KLHL29: variants seen among roughly 807,000 people sequenced by gnomAD.
KLHL29 encodes the protein kelch-like protein 29.
Under a neutral mutation model 80.4 loss-of-function variants are expected in KLHL29, and 21 were observed. That is an observed-to-expected ratio of 0.26 (90% CI 0.19 to 0.38). The LOEUF (loss-of-function observed/expected upper bound fraction) is 0.38. KLHL29 is among the 10% of genes least tolerant of loss of function. The pLI is 1.00. For synonymous variants in KLHL29, 511 were observed against 526.8 expected, an observed-to-expected ratio of 0.97 and a Z score of 0.41; for missense variants, 867 against 1,223.9, an observed-to-expected ratio of 0.71 and a Z score of 4.35.
At chr2:23,573,697 C>A (rs1208987627) in intron 3 of KLHL29, among the ~76,000 whole-genome samples, 1 of 152,218 alleles carries the variant, frequency 6.6e-6, no homozygotes, top group Non-Finnish European at 1.5e-5. Flanking sequence ...TCATAAACAG[C>A]CAGCTGCAGT....
chr2:23,603,691 C>T (rs1476795884), intron 3 of KLHL29, among the ~76,000 whole-genome samples: 1 of 152,230 alleles, frequency 6.6e-6, no homozygotes, highest in Non-Finnish European at 1.5e-5. Flanking sequence ...GTCCACATCC[C>T]AGCCCTTCCC....
intron 5 of KLHL29, among the ~76,000 whole-genome samples, chr2:23,652,288 G>T (rs1670107933): frequency 6.6e-6 from 1 of 152,170 alleles, no homozygotes. Context: ...TTTTTCCATA[G>T]AACTTTCATG....
intron 2 of KLHL29, among the ~76,000 whole-genome samples, chr2:23,526,282 G>A (rs527435230): frequency 2.7e-5 from 3 of 112,336 alleles, no homozygotes; most frequent in Non-Finnish European, 4.3e-5. Context: ...CGGAGGAAGC[G>A]TCACAGGGGA....
intron 2 of KLHL29, among the ~76,000 whole-genome samples, chr2:23,542,720 C>T (rs1318716200): frequency 1.3e-5 from 2 of 152,070 alleles, no homozygotes; most frequent in Non-Finnish European, 2.9e-5. Flanking sequence ...TGCCTGAACC[C>T]TCAGAGAGCC....
chr2:23,536,496 G>A (rs181831391), intron 2 of KLHL29, among the ~76,000 whole-genome samples: 48 of 152,322 alleles, frequency 3.2e-4, no homozygotes, highest in African/African-American at 9.4e-4. Context: ...GACTCTCCCC[G>A]TTTTGCCTCA....
chr2:23,406,329 A>G (rs1160376597), intron 1 of KLHL29, among the ~76,000 whole-genome samples: 1 of 130,062 alleles, frequency 7.7e-6, no homozygotes, highest in East Asian at 2.4e-4. Flanking sequence ...CTCCATCTCA[A>G]AAAAAAAAAA....
At chr2:23,626,576 C>T (rs1669313714) in intron 3 of KLHL29, among the ~76,000 whole-genome samples, 1 of 152,262 alleles carries the variant, frequency 6.6e-6, no homozygotes, top group Non-Finnish European at 1.5e-5. Context: ...ATGATCCTGA[C>T]TCTCCCACTA....
chr2:23,643,333 A>G (rs935343885), intron 5 of KLHL29: 1 of 290,460 alleles, frequency 3.4e-6, no homozygotes, highest in Non-Finnish European at 6.9e-6. Context: ...GGATGAGAGC[A>G]CTGCCCAAGG....
chr2:23,615,070 T>C (rs1311815827), intron 3 of KLHL29, among the ~76,000 whole-genome samples: 2 of 152,212 alleles, frequency 1.3e-5, no homozygotes, highest in East Asian at 3.8e-4. Context: ...CTTTCACAGC[T>C]CGGCGCTTCT....
chr2:23,572,653 T>A lies in KLHL29; in HGVS notation c.285+10172T>A, dbSNP rs141250431. 5.0e-3 allele frequency among the ~76,000 whole-genome samples: 761 copies of A among 152,110 alleles called. 4 individuals carry two copies. Among genetic ancestry groups the A allele is most frequent in the African/African-American group, 0.017 (697 of 41,550 alleles). ...TCCTTTGACATCATCTCAACTTACC[T>A]ACTACCTGAGAGAAGATAGTGGAGC... On this transcript the variant is annotated intron_variant, in intron 3 of 13. Coordinates refer to ENST00000486442, the MANE Select transcript of KLHL29 (RefSeq NM_052920.2).
intron 2 of KLHL29, among the ~76,000 whole-genome samples, chr2:23,531,211 C>T (rs902588568): frequency 2.0e-5 from 3 of 152,230 alleles, no homozygotes; most frequent in Non-Finnish European, 2.9e-5. Context: ...GTCATTGCCA[C>T]GTGGTGGCCA....
chr2:23,674,940 C>T (rs1376781317), intron 5 of KLHL29, among the ~76,000 whole-genome samples: 2 of 152,194 alleles, frequency 1.3e-5, no homozygotes, highest in African/African-American at 4.8e-5. Context: ...CACCTTCAGG[C>T]TTCCAGTCCC....
At chr2:23,664,046 A>G (rs1007940679) in intron 5 of KLHL29, among the ~76,000 whole-genome samples, 1 of 152,228 alleles carries the variant, frequency 6.6e-6, no homozygotes, top group African/African-American at 2.4e-5. Context: ...TATAACATCA[A>G]TATGCGCTTA....
intron 1 of KLHL29, among the ~76,000 whole-genome samples, chr2:23,435,112 A>T (rs921414582): frequency 1.3e-5 from 2 of 152,190 alleles, no homozygotes; most frequent in African/African-American, 4.8e-5. Flanking sequence ...ATGTGAATTC[A>T]CTGGGGAAAG....
intron 1 of KLHL29, among the ~76,000 whole-genome samples, chr2:23,449,420 T>C (rs1663802878): frequency 6.6e-6 from 1 of 152,218 alleles, no homozygotes; most frequent in African/African-American, 2.4e-5. Context: ...GTCTATAGGT[T>C]GGCTGGTTCT....
intron 5 of KLHL29, among the ~76,000 whole-genome samples, chr2:23,676,526 C>G (rs946486579): frequency 6.6e-6 from 1 of 152,184 alleles, no homozygotes; most frequent in Non-Finnish European, 1.5e-5. Context: ...CATGGTGGCT[C>G]ACACCTGTAA....
At chr2:23,671,000 C>G (rs868327155) in intron 5 of KLHL29, among the ~76,000 whole-genome samples, 1 of 75,668 alleles carries the variant, frequency 1.3e-5, no homozygotes, top group African/African-American at 5.7e-5. Context: ...CTCCCTCCCT[C>G]CCCCCCCCCA....
chr2:23,614,508 CAAAAAT>C (rs1668951733), intron 3 of KLHL29, among the ~76,000 whole-genome samples: 1 of 152,092 alleles, frequency 6.6e-6, no homozygotes, highest in African/African-American at 2.4e-5. Context: ...AACAAACAGA[CAAAAAT>C]AATAATAATA....
In KLHL29 at chr2:23,706,573, C is replaced by A. The variant is rs1262503407; in HGVS notation, c.2537C>A (p.Thr846Lys). The A allele has an allele frequency of 5.2e-6, 8 of 1,537,128 alleles. No individual in the cohort carries two copies. The highest frequency in any genetic ancestry group is 2.0e-5 in the Admixed American group (1 of 50,962). The change falls in exon 14 of 14, where the codon ACA becomes AAA. Residue 846 changes from threonine (T) to lysine (K), a missense_variant. Around this residue, in one of 2 missense-constraint regions of KLHL29, gnomAD observed 443 missense variants for 767.0 expected, o/e 0.58. Transcript: ENST00000486442. ...GGCAACATGGAGGCCTACGAGCCCACAACCAACACATGGACCCTCCTCCCC... is the reference window on the plus strand; with the variant it reads ...GGCAACATGGAGGCCTACGAGCCCAAAACCAACACATGGACCCTCCTCCCC... Reference protein sequence around the residue: ...ALGNMEAYEPTTNTWTLLPHM... With the variant: ...ALGNMEAYEPKTNTWTLLPHM...
Sources: allele counts gnomAD v4.1 joint callset (sites outside exome capture counted in the v4.1 genomes callset), GRCh38; gene constraint gnomAD v4.1.1; regional missense constraint gnomAD v4.1.1; transcripts MANE v1.5; gene names NCBI Gene and HGNC (gene_info 2026-07-23, HGNC 2026-07-21).